ADGRF5: variants seen among roughly 807,000 people sequenced by gnomAD.
The protein encoded by ADGRF5 is adhesion G protein-coupled receptor F5.
ADGRF5 carries 75 observed loss-of-function variants against 132.3 expected under a neutral mutation model. The ratio of observed to expected loss-of-function variants is 0.57; its 90% CI spans 0.47 to 0.69. The LOEUF (loss-of-function observed/expected upper bound fraction) is 0.69. Ranked by LOEUF, ADGRF5 falls within the 30% of genes least tolerant of loss-of-function variation. The probability of loss-of-function intolerance (pLI) is 0.00; values close to 1 mark genes in which losing one functional copy is unlikely to be tolerated. For missense variants in ADGRF5, 1,516 were observed against 1,630.6 expected, an observed-to-expected ratio of 0.93 and a Z score of 1.21; for synonymous variants, 629 against 597.6, an observed-to-expected ratio of 1.05 and a Z score of -0.77.
intron 1 of ADGRF5, among the ~76,000 whole-genome samples, chr6:46,918,303 C>G (rs535234961): frequency 1.3e-3 from 196 of 152,232 alleles, no homozygotes; most frequent in Non-Finnish European, 2.3e-3. Context: ...TGAACAGGCC[C>G]GGTAGTCCTC....
chr6:46,874,525 T>G (rs1314826942), intron 10 of ADGRF5, among the ~76,000 whole-genome samples: 2 of 152,130 alleles, frequency 1.3e-5, no homozygotes, highest in Admixed American at 1.3e-4. Context: ...GGATGTTTAG[T>G]TGAGAGATTA....
chr6:46,888,183 G>T, intron 4 of ADGRF5, 152 bp downstream of exon 4: 1 of 602,290 alleles, frequency 1.7e-6, no homozygotes, highest in East Asian at 2.7e-5. Context: ...GCTTCATTCA[G>T]GAAGGCTGTG....
At chr6:46,872,076 G>T in intron 10 of ADGRF5, 63 bp from the exon 11 acceptor site, 1 of 1,156,300 alleles carries the variant, frequency 8.6e-7, no homozygotes, top group Non-Finnish European at 1.2e-6. Flanking sequence ...GTAGCAAAGA[G>T]GTCAAATCAT....
rs150389766 is a variant in ADGRF5, at chr6:46,858,582, C to G, written c.3321G>C (p.Leu1107=). ...YLSVFFWMLT[L]GLMLFYRLVF... is the part of the protein sequence containing the mutation. Reference sequence around the variant, plus strand: ...CCAGGCGATAGAACAGCATGAGGCCCAGTGTCAGCATCCAGAAGAAGACGC... The same window carrying G: ...CCAGGCGATAGAACAGCATGAGGCCGAGTGTCAGCATCCAGAAGAAGACGC... The change falls in exon 17 of 21, where the codon CTG becomes CTC. Residue 1107 remains leucine (L), a synonymous_variant. Coordinates refer to ENST00000283296, the MANE Select transcript of ADGRF5 (RefSeq NM_001098518.2). 2.2e-5 allele frequency: 36 copies of G among 1,613,970 alleles called. No individual in the cohort carries two copies. The African/African-American group carries it at 4.5e-4, about 20-fold the overall frequency.
intron 3 of ADGRF5, among the ~76,000 whole-genome samples, chr6:46,896,693 G>GTGATACATATATATGTGATACATATA (rs1464287356): frequency 5.9e-5 from 9 of 151,674 alleles, no homozygotes; most frequent in Middle Eastern, 6.8e-3. Context: ...ACATACATAT[G>GTGATACATATATATGTGATACATATA]TGATACATAT....
Position 46,921,110 on chromosome 6 carries a change from G to A in ADGRF5, c.-25+603C>T, listed in dbSNP as rs1776894060. On this transcript the variant is annotated intron_variant, in intron 1 of 20. Coordinates refer to ENST00000283296, the MANE Select transcript of ADGRF5 (RefSeq NM_001098518.2). ...CAAAACAAGTCGGCCTGGCCCTGAA[G>A]CCCCAGCACTTTTACTGACCTCCTT... is the stretch of plus-strand genomic sequence containing the variant. Among the ~76,000 whole-genome samples the A allele has an allele frequency of 2.6e-5, 4 of 152,260 alleles. No individual in the cohort carries two copies. The South Asian group carries it at 8.3e-4, about 32-fold the overall frequency.
intron 13 of ADGRF5, 81 bp downstream of exon 13, chr6:46,866,844 G>T (rs1770508297): frequency 2.6e-6 from 2 of 780,878 alleles, no homozygotes; most frequent in Non-Finnish European, 4.4e-6. Flanking sequence ...TATGTCTCTT[G>T]ATCCCTATTT....
At chr6:46,927,256 C>A (rs1777298357) in intron 1 of ADGRF5, among the ~76,000 whole-genome samples, 1 of 140,744 alleles carries the variant, frequency 7.1e-6, no homozygotes, top group Non-Finnish European at 1.5e-5. Context: ...GTCATCCATG[C>A]CAGGAGAAAA....
chr6:46,938,411 C>T (rs746438176), intron 1 of ADGRF5, among the ~76,000 whole-genome samples: 22 of 152,184 alleles, frequency 1.4e-4, no homozygotes, highest in Admixed American at 2.6e-4. Context: ...CTCTTTCAGT[C>T]ATCTTGGAAG....
intron 11 of ADGRF5, among the ~76,000 whole-genome samples, chr6:46,871,582 A>G (rs759857212): frequency 6.6e-6 from 1 of 152,132 alleles, no homozygotes; most frequent in Non-Finnish European, 1.5e-5. Context: ...CTCCTGCATT[A>G]CTCAGAGAAT....
Position 46,859,323 on chromosome 6 carries a change from G to C in ADGRF5, c.2580C>G (p.Ser860=). The C allele has an allele frequency of 6.2e-7, 1 of 1,613,812 alleles. No individual in the cohort carries two copies. The highest frequency in any genetic ancestry group is 2.2e-5 in the East Asian group (1 of 44,880). The change falls in exon 17 of 21, where the codon TCC becomes TCG. Residue 860 remains serine, a synonymous_variant. Transcript: ENST00000283296. ...TCTGTTGATAGGTTTCTGGGTGGCTGGACTTGATTACCATGCTGCTCATCT... is the reference window on the plus strand; with the variant it reads ...TCTGTTGATAGGTTTCTGGGTGGCTCGACTTGATTACCATGCTGCTCATCT... ...NVQMSSMVIK[S]SHPETYQQRF...
upstream of ADGRF5, among the ~76,000 whole-genome samples, chr6:46,923,183 C>T (rs546535660): frequency 6.6e-6 from 1 of 152,320 alleles, no homozygotes; most frequent in Non-Finnish European, 1.5e-5. Context: ...GCCTCGGCCT[C>T]CCAAAGTGCT....
intron 17 of ADGRF5, among the ~76,000 whole-genome samples, chr6:46,857,419 AATCCTTGGGCAAGTTTTTTTCT>A (rs1769181648): frequency 6.6e-6 from 1 of 152,160 alleles, no homozygotes; most frequent in Non-Finnish European, 1.5e-5. Context: ...CAGTGGCCTC[AATCCTTGGGCAAGTTTTTTTCT>A]ATCCTTACCA....
Position 46,900,024 on chromosome 6 carries a change from C to T in ADGRF5, c.157+5G>A, listed in dbSNP as rs756807656. ...AAAGGGATTGCCAAGCAAGAGTTTA[C>T]ATACCGGCTCGTTTTTGCCTCAGTG... On this transcript the variant is annotated splice_donor_5th_base_variant and intron_variant, in intron 3 of 20. Coordinates refer to ENST00000283296, the MANE Select transcript of ADGRF5 (RefSeq NM_001098518.2). 6.2e-7 allele frequency: 1 copy of T among 1,601,200 alleles called. No homozygotes were observed. The highest frequency in any genetic ancestry group is 1.1e-5 in the South Asian group (1 of 90,792).
At chr6:46,867,708 C>T (rs1770602711) in intron 12 of ADGRF5, among the ~76,000 whole-genome samples, 3 of 152,186 alleles carry the variant, frequency 2.0e-5, no homozygotes. Flanking sequence ...ACATTGCTTC[C>T]CTTTGCCCCA....
At chr6:46,872,700 A>G (rs1771213942) in intron 10 of ADGRF5, among the ~76,000 whole-genome samples, 1 of 151,898 alleles carries the variant, frequency 6.6e-6, no homozygotes, top group Non-Finnish European at 1.5e-5. Context: ...CCTCCATGCC[A>G]TCTTTCCTAT....
chr6:46,888,573 T>C, intron 3 of ADGRF5, 68 bp from the exon 4 acceptor site: 1 of 1,082,378 alleles, frequency 9.2e-7, no homozygotes, highest in Non-Finnish European at 1.4e-6. Flanking sequence ...ATGATGGATA[T>C]TTCAGCAGTT....
At chr6:46,947,681 G>A (rs1321790094) in intron 1 of ADGRF5, among the ~76,000 whole-genome samples, 2 of 152,206 alleles carry the variant, frequency 1.3e-5, no homozygotes, top group Non-Finnish European at 2.9e-5. Context: ...CCCCACTTCG[G>A]ACATTCGCAA....
intron 1 of ADGRF5, among the ~76,000 whole-genome samples, chr6:46,912,912 C>T (rs563972231): frequency 1.4e-4 from 21 of 152,310 alleles, no homozygotes; most frequent in Admixed American, 1.3e-3. Flanking sequence ...ACAAAGCCCT[C>T]TTCAGCACAC....
Sources: allele counts gnomAD v4.1 joint callset (sites outside exome capture counted in the v4.1 genomes callset), GRCh38; gene constraint gnomAD v4.1.1; transcripts MANE v1.5; gene names NCBI Gene and HGNC (gene_info 2026-07-23, HGNC 2026-07-21).